Variants in CENPP observed in about 807,000 individuals in gnomAD.
The protein encoded by CENPP is centromere protein P.
A neutral mutation model predicts 35.6 loss-of-function variants in CENPP; 24 were observed. That is an observed-to-expected ratio of 0.67 (90% CI 0.49 to 0.95). The LOEUF is 0.95. Among genes scored for constraint, CENPP ranks in the 40% least tolerant of loss-of-function variants. The probability of loss-of-function intolerance (pLI) is 0.00; values close to 1 mark genes in which losing one functional copy is unlikely to be tolerated. For missense variants in CENPP, 332 were observed against 345.3 expected (o/e 0.96, Z 0.31); for synonymous variants, 120 against 125.5 (o/e 0.96, Z 0.29).
chr9:92,398,871 G>A (rs1842995235), intron 5 of CENPP, among the ~76,000 whole-genome samples: 1 of 152,130 alleles, frequency 6.6e-6, no homozygotes, highest in East Asian at 1.9e-4. Flanking sequence ...AGACCAGCCT[G>A]ACCAACATGG....
chr9:92,558,953 A>G (rs1849786457), intron 5 of CENPP, among the ~76,000 whole-genome samples: 1 of 151,994 alleles, frequency 6.6e-6, no homozygotes, highest in African/African-American at 2.4e-5. Flanking sequence ...TTCCCACGCA[A>G]ACTGCAAACT....
chr9:92,518,730 A>C (rs942913650), intron 5 of CENPP, among the ~76,000 whole-genome samples: 3 of 152,064 alleles, frequency 2.0e-5, no homozygotes, highest in Admixed American at 2.0e-4. Flanking sequence ...CTCCTCTAAA[A>C]ATACAAAAAT....
chr9:92,496,228 G>C (rs1418237455), intron 5 of CENPP: 3 of 1,488,944 alleles, frequency 2.0e-6, no homozygotes, highest in Non-Finnish European at 2.7e-6. Flanking sequence ...GAGTATAACA[G>C]GAGGATTATG....
chr9:92,342,784 T>G (rs1417337217), intron 3 of CENPP, among the ~76,000 whole-genome samples: 1 of 152,252 alleles, frequency 6.6e-6, no homozygotes, highest in Non-Finnish European at 1.5e-5. Flanking sequence ...GTTTTTGAAA[T>G]GTTTATTACT....
intron 5 of CENPP, among the ~76,000 whole-genome samples, chr9:92,433,730 G>A (rs1293433171): frequency 1.3e-5 from 2 of 151,988 alleles, no homozygotes; most frequent in African/African-American, 2.4e-5. Context: ...TCAGAACTTC[G>A]AGACCAGCGT....
At chr9:92,362,037 A>G (rs559939520) in intron 4 of CENPP, among the ~76,000 whole-genome samples, 1 of 152,070 alleles carries the variant, frequency 6.6e-6, no homozygotes, top group East Asian at 1.9e-4. Context: ...AAAATAAAAT[A>G]AGATAAGATA....
intron 5 of CENPP, among the ~76,000 whole-genome samples, chr9:92,432,615 G>A (rs558201876): frequency 2.6e-5 from 4 of 152,202 alleles, no homozygotes; most frequent in Non-Finnish European, 4.4e-5. Flanking sequence ...TGCAGAAGAA[G>A]CGAGAGAGCA....
chr9:92,502,375 CT>C, intron 5 of CENPP: 1 of 1,093,640 alleles, frequency 9.1e-7, no homozygotes, highest in Non-Finnish European at 1.3e-6. Flanking sequence ...TAAGGGTTCA[CT>C]AAGAAACGAT....
chr9:92,512,471 A>T (rs1847413037), intron 5 of CENPP, among the ~76,000 whole-genome samples: 1 of 152,194 alleles, frequency 6.6e-6, no homozygotes, highest in Non-Finnish European at 1.5e-5. Context: ...TTACACAGAA[A>T]CTGATTTTTA....
At position 92,556,225 on chromosome 9, in the gene CENPP, G is replaced by C. The variant is rs1446316715; in HGVS notation, c.565-55089G>C. Among the ~76,000 whole-genome samples, 3 of 152,110 alleles carry C rather than the reference G, an allele frequency of 2.0e-5. No homozygotes were observed. The East Asian group carries it at 5.8e-4, about 29-fold the overall frequency. ...AGTTTCCTTTTGGAATTGATTTCCA[G>C]TTTTATTCCACTGTGGTCTGAGAGA... On this transcript the variant is annotated intron_variant, in intron 5 of 7. Transcript: ENST00000375587.
At chr9:92,388,408 T>C (rs576111142) in intron 5 of CENPP, among the ~76,000 whole-genome samples, 2 of 152,034 alleles carry the variant, frequency 1.3e-5, no homozygotes, top group East Asian at 3.9e-4. Flanking sequence ...GTGATCCGCC[T>C]GCCTCATCCT....
intron 5 of CENPP, among the ~76,000 whole-genome samples, chr9:92,579,162 C>G (rs1394266823): frequency 6.7e-6 from 1 of 148,386 alleles, no homozygotes; most frequent in Non-Finnish European, 1.5e-5. Context: ...TGATCTATAT[C>G]TCTGTTTTGG....
chr9:92,523,020 A>C, intron 5 of CENPP: 1 of 894,322 alleles, frequency 1.1e-6, no homozygotes. Context: ...TATATGGACT[A>C]TATGCTATAG....
intron 5 of CENPP, among the ~76,000 whole-genome samples, chr9:92,487,056 AC>A (rs1846076155): frequency 6.6e-6 from 1 of 152,204 alleles, no homozygotes; most frequent in African/African-American, 2.4e-5. Context: ...CGCTAGGATT[AC>A]AGGTGTGCAC....
chr9:92,510,238 A>G (rs1847253495), intron 5 of CENPP, among the ~76,000 whole-genome samples: 1 of 152,238 alleles, frequency 6.6e-6, no homozygotes, highest in African/African-American at 2.4e-5. Flanking sequence ...AGGGATTTTC[A>G]GCAGACTACA....
At chr9:92,360,609 A>G (rs895245112) in intron 4 of CENPP, among the ~76,000 whole-genome samples, 1 of 152,192 alleles carries the variant, frequency 6.6e-6, no homozygotes, top group African/African-American at 2.4e-5. Flanking sequence ...TAACATTATA[A>G]TGTTTTACTT....
At chr9:92,570,600 G>T (rs1370338760) in intron 5 of CENPP, among the ~76,000 whole-genome samples, 1 of 152,184 alleles carries the variant, frequency 6.6e-6, no homozygotes, top group Non-Finnish European at 1.5e-5. Context: ...AATAAAATGA[G>T]TTAGGGAGGA....
intron 5 of CENPP, among the ~76,000 whole-genome samples, chr9:92,538,699 A>T (rs1330780514): frequency 6.6e-6 from 1 of 152,266 alleles, no homozygotes; most frequent in East Asian, 1.9e-4. Context: ...AAATGCTGGT[A>T]TTATGGTTTC....
chr9:92,514,124 CTTTT>C (rs34816093), intron 5 of CENPP, among the ~76,000 whole-genome samples: 4 of 136,292 alleles, frequency 2.9e-5, no homozygotes, highest in Non-Finnish European at 6.3e-5. Flanking sequence ...GAATCGTTCA[CTTTT>C]TTTTTTTTTT....
Sources: allele counts gnomAD v4.1 joint callset (sites outside exome capture counted in the v4.1 genomes callset), GRCh38; gene constraint gnomAD v4.1.1; transcripts MANE v1.5; gene names NCBI Gene and HGNC (gene_info 2026-07-23, HGNC 2026-07-21).